Variants in NAP1L4 observed in about 807,000 individuals in gnomAD.
The protein encoded by NAP1L4 is nucleosome assembly protein 1-like 4.
NAP1L4 carries 15 observed loss-of-function variants against 58.2 expected under a neutral mutation model. The ratio of observed to expected loss-of-function variants is 0.26; its 90% CI spans 0.17 to 0.40. The LOEUF (loss-of-function observed/expected upper bound fraction) is 0.40. Among genes scored for constraint, NAP1L4 ranks in the 10% least tolerant of loss-of-function variants. The pLI, the probability that NAP1L4 is intolerant of heterozygous loss-of-function variation, is 1.00. For missense variants in NAP1L4, 384 were observed against 451.1 expected, an observed-to-expected ratio of 0.85 and a Z score of 1.35; for synonymous variants, 171 against 155.6, an observed-to-expected ratio of 1.10 and a Z score of -0.74.
intron 1 of NAP1L4, among the ~76,000 whole-genome samples, chr11:2,986,365 C>A (rs569907984): frequency 1.5e-5 from 2 of 129,318 alleles, no homozygotes; most frequent in African/African-American, 5.8e-5. Flanking sequence ...CAGAGCCAGA[C>A]CCTGTCTCAA....
intron 6 of NAP1L4, among the ~76,000 whole-genome samples, chr11:2,970,328 AGCACTGG>A (rs1847562843): frequency 5.9e-5 from 9 of 152,186 alleles, no homozygotes; most frequent in Admixed American, 3.9e-4. Context: ...CAGAACATCT[AGCACTGG>A]GCAAAAAAAG....
intron 7 of NAP1L4, among the ~76,000 whole-genome samples, chr11:2,968,345 C>A (rs948851581): frequency 3.3e-5 from 5 of 152,170 alleles, no homozygotes; most frequent in Non-Finnish European, 1.5e-5. Flanking sequence ...GGTGAGACTA[C>A]GGCTCTGGTA....
intron 1 of NAP1L4, among the ~76,000 whole-genome samples, chr11:2,982,611 T>C (rs1258953935): frequency 1.3e-5 from 2 of 152,194 alleles, no homozygotes; most frequent in Non-Finnish European, 2.9e-5. Flanking sequence ...AGGTGCCAAA[T>C]TGAAAGTCAC....
intron 1 of NAP1L4, among the ~76,000 whole-genome samples, chr11:2,984,102 G>A (rs979422910): frequency 1.3e-5 from 2 of 150,586 alleles, no homozygotes; most frequent in Middle Eastern, 3.4e-3. Context: ...GAGGCCTGGC[G>A]GCTGCAGTGA....
At position 2,959,435 on chromosome 11, in the gene NAP1L4, G is replaced by A. The variant is rs1846729616; in HGVS notation, c.746+335C>T. Among the ~76,000 whole-genome samples, 1 of 152,188 alleles carries A rather than the reference G, an allele frequency of 6.6e-6. No individual in the cohort carries two copies. The highest frequency in any genetic ancestry group is 2.4e-5 in the African/African-American group (1 of 41,438). On this transcript the variant is annotated intron_variant, in intron 9 of 15. Coordinates refer to ENST00000380542, the MANE Select transcript of NAP1L4 (RefSeq NM_005969.4). This position sits in a 1 kb window ranked among gnomAD's most constrained non-coding sequence, Gnocchi z 4.9. Reference sequence around the variant, plus strand: ...TCATTCATTCAATAAGTATTTATTTGCTGAGGGTAATCCATGGATTCAATT... The same window carrying A: ...TCATTCATTCAATAAGTATTTATTTACTGAGGGTAATCCATGGATTCAATT...
chr11:2,962,493 ATTTATC>A (rs893959838), intron 8 of NAP1L4, among the ~76,000 whole-genome samples: 6 of 152,228 alleles, frequency 3.9e-5, no homozygotes, highest in Non-Finnish European at 7.3e-5. Flanking sequence ...TTGAAGTTTC[ATTTATC>A]TTTATAACTT....
chr11:2,953,267 T>C (rs780639228), intron 12 of NAP1L4, among the ~76,000 whole-genome samples: 3 of 152,274 alleles, frequency 2.0e-5, no homozygotes, highest in Non-Finnish European at 4.4e-5. Flanking sequence ...CGCATATAAG[T>C]AAGCAAATAG....
intron 1 of NAP1L4, among the ~76,000 whole-genome samples, chr11:2,987,351 G>T (rs943464965): frequency 2.0e-5 from 3 of 151,630 alleles, no homozygotes; most frequent in Admixed American, 6.6e-5. Flanking sequence ...CACCCAAGGC[G>T]GGAGAGGGTC....
At chr11:2,970,876 A>T (rs1018365097) in intron 6 of NAP1L4, among the ~76,000 whole-genome samples, 1 of 151,752 alleles carries the variant, frequency 6.6e-6, no homozygotes, top group Non-Finnish European at 1.5e-5. Flanking sequence ...AAACTGCAAA[A>T]AGTTAGTTAT....
Position 2,949,266 on chromosome 11 carries a change from TAA to T in NAP1L4, c.1123-4_1123-3del. 6.3e-7 allele frequency: 1 copy of T among 1,597,222 alleles called. No homozygotes were observed. The highest frequency in any genetic ancestry group is 1.1e-5 in the South Asian group (1 of 90,678). Reference sequence around the variant, plus strand: ...ATGATTAACAGACAAAAATTACACCTAAATGGGGAAAAAAATTGAAAGGAACT... The same window carrying T: ...ATGATTAACAGACAAAAATTACACCTATGGGGAAAAAAATTGAAAGGAACT... On this transcript the variant is annotated splice_polypyrimidine_tract_variant and splice_region_variant and intron_variant, in intron 14 of 15. Coordinates refer to ENST00000380542, the MANE Select transcript of NAP1L4 (RefSeq NM_005969.4). The surrounding 1 kb of genome is among the most constrained non-coding windows in gnomAD (Gnocchi z 4.0).
chr11:2,974,185 G>A (rs908619612), intron 4 of NAP1L4, among the ~76,000 whole-genome samples: 3 of 152,080 alleles, frequency 2.0e-5, no homozygotes, highest in Admixed American at 6.5e-5. Flanking sequence ...CAACGTGCAG[G>A]TTTGTTACAT....
chr11:2,946,012 C>T lies in NAP1L4; in HGVS notation c.*33-366G>A, dbSNP rs1564969643. Reference sequence around the variant, plus strand: ...CACAGTGCGCTCAACACGGGCAGCTCCATCCAGGAAGGCCACCGCGGAGGC... The same window carrying T: ...CACAGTGCGCTCAACACGGGCAGCTTCATCCAGGAAGGCCACCGCGGAGGC... On this transcript the variant is annotated intron_variant, in intron 15 of 15. Transcript: ENST00000380542. The surrounding 1 kb of genome is among the most constrained non-coding windows in gnomAD (Gnocchi z 4.8). Among the ~76,000 whole-genome samples the T allele has an allele frequency of 3.3e-5, 5 of 152,154 alleles. No individual in the cohort carries two copies. Among genetic ancestry groups the T allele is most frequent in the Non-Finnish European group, 1.5e-5 (1 of 68,020 alleles).
chr11:2,963,706 T>TG, intron 8 of NAP1L4: 1 of 515,064 alleles, frequency 1.9e-6, no homozygotes, highest in East Asian at 5.5e-5. Flanking sequence ...TACTGGTGAC[T>TG]GGCCCCAGGC....
chr11:2,977,499 G>A (rs971274322), intron 3 of NAP1L4, among the ~76,000 whole-genome samples: 30 of 152,200 alleles, frequency 2.0e-4, no homozygotes, highest in African/African-American at 6.5e-4. Context: ...GCGCTGATAT[G>A]TTGATGTATT....
chr11:2,972,778 G>A (rs1008549991), intron 4 of NAP1L4, among the ~76,000 whole-genome samples: 5 of 152,162 alleles, frequency 3.3e-5, no homozygotes, highest in African/African-American at 1.2e-4. Context: ...AGACCAGCCT[G>A]AGCAATACAG....
Position 2,971,403 on chromosome 11 carries a change from AC to A in NAP1L4, c.402+44del. The A allele has an allele frequency of 6.5e-7, 1 of 1,528,676 alleles. No individual in the cohort carries two copies. The highest frequency in any genetic ancestry group is 1.1e-5 in the South Asian group (1 of 87,078). The allele number at this position is 1,528,676 out of a possible 1,614,324, so 94.7% of individuals were successfully genotyped here. On this transcript the variant is annotated intron_variant, in intron 6 of 15. Transcript: ENST00000380542. This position sits in a 1 kb window ranked among gnomAD's most constrained non-coding sequence, Gnocchi z 4.2. The stretch of plus-strand genomic sequence containing the variant: ...AATCATTAAAAAATGCTTATTTTTA[AC>A]AGTATTAAAACAGAACATGAGTCAC...
chr11:2,973,095 A>C (rs1207447009), intron 4 of NAP1L4, among the ~76,000 whole-genome samples: 1 of 152,246 alleles, frequency 6.6e-6, no homozygotes, highest in African/African-American at 2.4e-5. Context: ...GCCTATTCAT[A>C]ATCACACTGT....
At position 2,990,918 on chromosome 11, in the gene NAP1L4, C is replaced by T. The variant is rs140867370; in HGVS notation, c.-18+1336G>A. 2,629 of 341,572 alleles carry T rather than the reference C, an allele frequency of 7.7e-3. 26 individuals are homozygous for T. The highest frequency in any genetic ancestry group is 0.01 in the Non-Finnish European group (1,733 of 168,560). 21.2% of individuals were successfully genotyped at this position (341,572 alleles called of 1,614,324 possible). On this transcript the variant is annotated intron_variant, in intron 1 of 15. Transcript: ENST00000380542. Reference sequence around the variant, plus strand: ...ACTTAGAAAGACTTACCTTTAAGGTCCAACAACCTAATCTACATATTTGTA... The same window carrying T: ...ACTTAGAAAGACTTACCTTTAAGGTTCAACAACCTAATCTACATATTTGTA...
intron 1 of NAP1L4, among the ~76,000 whole-genome samples, chr11:2,991,637 G>A (rs925084608): frequency 2.0e-5 from 3 of 152,110 alleles, no homozygotes; most frequent in Non-Finnish European, 4.4e-5. Flanking sequence ...CAACGCCAAG[G>A]ACTTTCTTCC....
Sources: gnomAD v4.1 joint callset for allele counts (sites outside exome capture counted in the v4.1 genomes callset) on GRCh38, gnomAD v4.1.1 for gene constraint, Gnocchi (gnomAD v3.1) non-coding constraint, MANE v1.5 for transcripts, NCBI Gene and HGNC (gene_info 2026-07-23, HGNC 2026-07-21) for gene names.